Variants in AEN observed in about 807,000 individuals in gnomAD.
AEN encodes the protein apoptosis-enhancing nuclease.
AEN carries 21 observed loss-of-function variants against 17.7 expected under a neutral mutation model. The observed-to-expected ratio is 1.19, with a 90% CI of 0.84 to 1.71. The LOEUF (loss-of-function observed/expected upper bound fraction) is 1.71. Ranked by LOEUF, AEN falls within the 40% of genes most tolerant of loss-of-function variation. The probability of loss-of-function intolerance (pLI) is 0.00; values close to 1 mark genes in which losing one functional copy is unlikely to be tolerated. For missense variants in AEN, 462 were observed against 435.9 expected, an observed-to-expected ratio of 1.06 and a Z score of -0.53; for synonymous variants, 190 against 173.0, an observed-to-expected ratio of 1.10 and a Z score of -0.77.
chr15:88,617,238 G>A (rs1598384127), upstream of AEN, among the ~76,000 whole-genome samples: 1 of 151,966 alleles, frequency 6.6e-6, no homozygotes, highest in Non-Finnish European at 1.5e-5. Flanking sequence ...CTACAGGCAT[G>A]TGCCACCTTG....
intron 3 of AEN, 96 bp from the exon 4 acceptor site, chr15:88,629,962 C>T: frequency 8.9e-7 from 1 of 1,123,660 alleles, no homozygotes; most frequent in South Asian, 1.3e-5. Flanking sequence ...TATTCTTGGG[C>T]CTGCACAAAG....
chr15:88,606,255 C>G, the AEN span, among the ~76,000 whole-genome samples: 2 of 152,134 alleles, frequency 1.3e-5, 1 homozygote, highest in African/African-American at 4.8e-5. Context: ...TCCTTCCTCC[C>G]CGCGCTCTCT....
At position 88,629,243 on chromosome 15, in the gene AEN, G is replaced by C; in HGVS notation, c.558G>C (p.Lys186Asn). Reference sequence around the variant, plus strand: ...GCTCACAGATCCTTAAGCTCCTGAAGGGCAAGGTGGTGGTGGGGCACGCGC... The same window carrying C: ...GCTCACAGATCCTTAAGCTCCTGAACGGCAAGGTGGTGGTGGGGCACGCGC... Reference protein sequence around the residue: ...VAQKEILKLLKGKVVVGHALH... With the variant: ...VAQKEILKLLNGKVVVGHALH... Residue 186 changes from lysine (K) to asparagine (N), a missense_variant, in exon 3 of 4, where the codon AAG (lysine) becomes AAC (asparagine). Coordinates refer to ENST00000332810, the MANE Select transcript of AEN (RefSeq NM_022767.4). 4 of 1,614,096 alleles carry C rather than the reference G, an allele frequency of 2.5e-6. No homozygotes were observed. Among genetic ancestry groups the C allele is most frequent in the Non-Finnish European group, 3.4e-6 (4 of 1,180,002 alleles).
chr15:88,610,014 A>C, the AEN span, among the ~76,000 whole-genome samples: 4 of 152,268 alleles, frequency 2.6e-5, no homozygotes, highest in Admixed American at 6.5e-5. Flanking sequence ...TTGCTCATGT[A>C]AGCTAGATCA....
At chr15:88,629,205 G>A (rs754306192) in intron 2 of AEN, 21 bp from the exon 3 acceptor site, 19 of 1,613,050 alleles carry the variant, frequency 1.2e-5, no homozygotes, top group Non-Finnish European at 1.5e-5. Flanking sequence ...TGACCTCCCT[G>A]ACTCCTCTTT....
the AEN span, among the ~76,000 whole-genome samples, chr15:88,610,040 T>C: frequency 6.6e-6 from 1 of 152,228 alleles, no homozygotes; most frequent in Non-Finnish European, 1.5e-5. Context: ...TCCTGCAAGC[T>C]GACATCCAGA....
rs2057922711 is a variant in AEN at position 88,631,123 on chromosome 15, A to C, written c.*829A>C. 1 of 456,544 alleles carries C rather than the reference A, an allele frequency of 2.2e-6. No homozygotes were observed. The highest frequency in any genetic ancestry group is 1.5e-5 in the South Asian group (1 of 64,578). 28.3% of individuals were successfully genotyped at this position (456,544 alleles called of 1,614,324 possible). ...CCAGTCCACCCAGTACTGGGCTCTTAAGCAAAAGTCTGAGAAACAAGACAG... is the reference window on the plus strand; with the variant it reads ...CCAGTCCACCCAGTACTGGGCTCTTCAGCAAAAGTCTGAGAAACAAGACAG... On this transcript the variant is annotated 3_prime_UTR_variant, in exon 4 of 4. Transcript: ENST00000332810.
chr15:88,623,555 C>A (rs1219747894), intron 1 of AEN, among the ~76,000 whole-genome samples: 1 of 152,240 alleles, frequency 6.6e-6, no homozygotes, highest in Non-Finnish European at 1.5e-5. Flanking sequence ...AACCTGCCTT[C>A]TTACAGCTCT....
intron 1 of AEN, 68 bp from the exon 2 acceptor site, chr15:88,626,078 G>C: frequency 1.9e-6 from 2 of 1,058,804 alleles, no homozygotes; most frequent in Non-Finnish European, 2.6e-6. Flanking sequence ...TGCAGGGAGG[G>C]AGGGAGGGTG....
At chr15:88,606,761 TTTTG>T in the AEN span, among the ~76,000 whole-genome samples, 3 of 152,202 alleles carry the variant, frequency 2.0e-5, no homozygotes, top group South Asian at 2.1e-4. Flanking sequence ...GATGTTTGTT[TTTTG>T]TTTGTTTGTT....
rs199833901 is a variant in AEN at position 88,626,251 on chromosome 15, C to A, written c.42C>A (p.Cys14Ter). Reference protein sequence around the residue: ...REAPESAQCLCPSLTIPNAKD... With the variant: ...REAPESAQCL Reference sequence around the variant, plus strand: ...CCCCTGAGTCTGCTCAGTGCCTGTGCCCTTCCCTCACCATCCCAAATGCCA... The same window carrying A: ...CCCCTGAGTCTGCTCAGTGCCTGTGACCTTCCCTCACCATCCCAAATGCCA... Residue 14 changes from cysteine (C) to a stop codon, truncating the protein, a stop_gained, in exon 2 of 4, where the codon TGC (cysteine) becomes TGA (stop). Transcript: ENST00000332810. LOFTEE classifies it high-confidence loss of function. The A allele has an allele frequency of 1.7e-5, 28 of 1,611,160 alleles. No homozygotes were observed. The East Asian group carries it at 6.0e-4, about 35-fold the overall frequency.
upstream of AEN, among the ~76,000 whole-genome samples, chr15:88,619,582 T>G (rs12916783): frequency 0.78 from 117,964 of 152,064 alleles, 48,459 homozygotes; most frequent in Non-Finnish European, 0.91. Flanking sequence ...CAGCTGTTCC[T>G]GAGGCTGAGG....
At chr15:88,611,124 A>T in the AEN span, among the ~76,000 whole-genome samples, 1 of 151,964 alleles carries the variant, frequency 6.6e-6, no homozygotes, top group Non-Finnish European at 1.5e-5. Flanking sequence ...AAGAATTTTC[A>T]CCATGGGCCA....
chr15:88,611,775 C>T, the AEN span: 1 of 431,470 alleles, frequency 2.3e-6, no homozygotes, highest in Non-Finnish European at 4.7e-6. Context: ...AGACCGCTGA[C>T]CTGGTGGCGA....
In AEN at chr15:88,630,875, C is replaced by T. The variant is rs2057919259; in HGVS notation, c.*581C>T. The T allele has an allele frequency of 3.5e-6, 1 of 283,160 alleles. No homozygotes were observed. The highest frequency in any genetic ancestry group is 2.2e-5 in the African/African-American group (1 of 45,790). 17.5% of individuals were successfully genotyped at this position (283,160 alleles called of 1,614,324 possible). On this transcript the variant is annotated 3_prime_UTR_variant, in exon 4 of 4. Transcript: ENST00000332810. The surrounding 1 kb of genome is among the most constrained non-coding windows in gnomAD (Gnocchi z 5.1). ...AGGCATTTCTTCCCCACCTCCCTGA[C>T]CTGGAACTCTGGCTACAGCCATTGT... is the stretch of plus-strand genomic sequence containing the variant.
the AEN span, chr15:88,608,221 A>T: frequency 3.9e-6 from 2 of 514,390 alleles, no homozygotes; most frequent in South Asian, 2.9e-5. Context: ...ACACAGAAGG[A>T]TTGAATCTGC....
At chr15:88,612,447 C>T in the AEN span, among the ~76,000 whole-genome samples, 180 of 152,280 alleles carry the variant, frequency 1.2e-3, 4 homozygotes, top group South Asian at 0.033. Flanking sequence ...GGTCCCAGTA[C>T]CTGCCTCTGT....
the AEN span, among the ~76,000 whole-genome samples, chr15:88,610,706 G>C: frequency 6.6e-6 from 1 of 152,090 alleles, no homozygotes; most frequent in African/African-American, 2.4e-5. Flanking sequence ...AGGATGGAAG[G>C]GTGGGCTAAA....
chr15:88,629,121 C>A (rs3826040), intron 2 of AEN, 105 bp from the exon 3 acceptor site: 1 of 1,154,348 alleles, frequency 8.7e-7, no homozygotes, highest in Non-Finnish European at 1.3e-6. Flanking sequence ...GCTGCCTCCC[C>A]CCACAGGGAT....
Sources: gnomAD v4.1 joint callset for allele counts (sites outside exome capture counted in the v4.1 genomes callset) on GRCh38, gnomAD v4.1.1 for gene constraint, Gnocchi (gnomAD v3.1) non-coding constraint, MANE v1.5 for transcripts, NCBI Gene and HGNC (gene_info 2026-07-23, HGNC 2026-07-21) for gene names.